Variants in LIMCH1 observed in about 807,000 individuals in gnomAD.
The protein encoded by LIMCH1 is LIM and calponin homology domains-containing protein 1.
LIMCH1 carries 113 observed loss-of-function variants against 176.5 expected under a neutral mutation model. The observed-to-expected ratio is 0.64, with a 90% confidence interval of 0.55 to 0.75. The LOEUF is 0.75. LIMCH1 is among the 30% of genes least tolerant of loss of function. The pLI, the probability that LIMCH1 is intolerant of heterozygous loss-of-function variation, is 0.00. For synonymous variants in LIMCH1, 619 were observed against 645.9 expected, an observed-to-expected ratio of 0.96 and a Z score of 0.63; for missense variants, 1,674 against 1,814.9, an observed-to-expected ratio of 0.92 and a Z score of 1.41.
chr4:41,554,346 T>A (rs1178957925), intron 1 of LIMCH1, among the ~76,000 whole-genome samples: 4 of 152,202 alleles, frequency 2.6e-5, no homozygotes, highest in Non-Finnish European at 4.4e-5. Context: ...GATGTGGGAC[T>A]GCTCCACATA....
At chr4:41,605,857 G>C (rs576712202) in intron 3 of LIMCH1, 37 bp from the exon 4 acceptor site, 9 of 1,345,036 alleles carry the variant, frequency 6.7e-6, no homozygotes, top group African/African-American at 1.4e-5. Context: ...CGTCATTCTT[G>C]AGGGAAAAAT....
intron 4 of LIMCH1, among the ~76,000 whole-genome samples, chr4:41,607,327 T>A (rs2090861898): frequency 6.6e-6 from 1 of 152,252 alleles, no homozygotes; most frequent in Non-Finnish European, 1.5e-5. Context: ...CTAAGGCCAG[T>A]CTGGCTCATG....
At chr4:41,445,265 A>G (rs1374230114) in intron 1 of LIMCH1, among the ~76,000 whole-genome samples, 2 of 152,112 alleles carry the variant, frequency 1.3e-5, no homozygotes, top group Non-Finnish European at 2.9e-5. Context: ...CAGCCTCCCA[A>G]AGTGCTGGGA....
intron 1 of LIMCH1, among the ~76,000 whole-genome samples, chr4:41,436,188 G>A (rs12374350): frequency 0.061 from 9,324 of 152,276 alleles, 375 homozygotes; most frequent in Middle Eastern, 0.095. Context: ...CTCTTTGGAG[G>A]TGATTGTGGT....
At chr4:41,644,189 A>G (rs868485443) in intron 14 of LIMCH1, among the ~76,000 whole-genome samples, 2 of 152,278 alleles carry the variant, frequency 1.3e-5, no homozygotes, top group Middle Eastern at 3.4e-3. Flanking sequence ...TTCAAATACC[A>G]TTTTTCTAGC....
intron 1 of LIMCH1, among the ~76,000 whole-genome samples, chr4:41,428,329 C>A (rs996367051): frequency 6.6e-6 from 1 of 152,174 alleles, no homozygotes; most frequent in African/African-American, 2.4e-5. Context: ...AGTACCTCCT[C>A]CGTGCTATCA....
At chr4:41,458,044 G>T (rs1474456661) in intron 1 of LIMCH1, among the ~76,000 whole-genome samples, 1 of 152,128 alleles carries the variant, frequency 6.6e-6, no homozygotes, top group Admixed American at 6.5e-5. Flanking sequence ...TGGATTGTTT[G>T]TAACACAAAG....
chr4:41,641,028 G>A (rs1444305030), intron 14 of LIMCH1, among the ~76,000 whole-genome samples: 1 of 152,108 alleles, frequency 6.6e-6, no homozygotes, highest in Non-Finnish European at 1.5e-5. Context: ...ATTTTATTCT[G>A]AATTCCTTTA....
chr4:41,627,309 C>T (rs558222787), intron 8 of LIMCH1, among the ~76,000 whole-genome samples: 2 of 151,192 alleles, frequency 1.3e-5, no homozygotes, highest in East Asian at 3.9e-4. Context: ...GGGCTCATCA[C>T]CACATATGGG....
chr4:41,379,802 T>G (rs536723087), intron 1 of LIMCH1, among the ~76,000 whole-genome samples: 1 of 152,328 alleles, frequency 6.6e-6, no homozygotes, highest in African/African-American at 2.4e-5. Flanking sequence ...TATTTATTTT[T>G]ATTTTTATTT....
chr4:41,368,540 T>A (rs2053465128), intron 1 of LIMCH1, among the ~76,000 whole-genome samples: 1 of 152,156 alleles, frequency 6.6e-6, no homozygotes. Flanking sequence ...GAAAATAAGA[T>A]TTAAGCTAAG....
chr4:41,501,886 T>TTTTA (rs1491160799), intron 2 of LIMCH1, among the ~76,000 whole-genome samples: 7 of 97,936 alleles, frequency 7.1e-5, no homozygotes, highest in Non-Finnish European at 1.2e-4. Context: ...TTTTTTTTTT[T>TTTTA]AAAAAAAACC....
chr4:41,473,777 A>G (rs1009543359), intron 1 of LIMCH1, among the ~76,000 whole-genome samples: 1 of 152,212 alleles, frequency 6.6e-6, no homozygotes, highest in African/African-American at 2.4e-5. Flanking sequence ...CAGCCTACAG[A>G]TTGGGAGAAA....
chr4:41,510,885 G>A (rs759049664), intron 2 of LIMCH1, among the ~76,000 whole-genome samples: 1 of 152,116 alleles, frequency 6.6e-6, no homozygotes, highest in South Asian at 2.1e-4. Context: ...CACCGCACCC[G>A]ACCAAATGAT....
At chr4:41,595,726 C>T (rs2088628861) in intron 1 of LIMCH1, among the ~76,000 whole-genome samples, 1 of 152,136 alleles carries the variant, frequency 6.6e-6, no homozygotes, top group South Asian at 2.1e-4. Context: ...AACCTATTTT[C>T]TTAAGAATAA....
rs116548610 is a variant in LIMCH1 at position 41,681,186 on chromosome 4, A to C, written c.3717+127A>C. 155 of 553,942 alleles carry C rather than the reference A, an allele frequency of 2.8e-4. No individual in the cohort carries two copies. In the African/African-American group the frequency reaches 2.8e-3, roughly 10 times the overall value. The allele number at this position is 553,942 out of a possible 1,614,324, so 34.3% of individuals were successfully genotyped here. A position where few individuals can be genotyped will look rare whatever the true frequency, so the allele number is the denominator to read the frequency against. On this transcript the variant is annotated intron_variant, in intron 25 of 31. Transcript: ENST00000503057. ...CAAGACTAGCTATTCCCCTAGAATC[A>C]CGTCAGCTACTGTGTGGCCATTGTA...
intron 28 of LIMCH1, among the ~76,000 whole-genome samples, chr4:41,686,909 C>G (rs1003961958): frequency 1.2e-4 from 18 of 152,154 alleles, no homozygotes; most frequent in Admixed American, 7.9e-4. Flanking sequence ...CTAAAATTGG[C>G]TAGAAGTAAT....
rs1234600990 is a variant in LIMCH1 at position 41,692,384 on chromosome 4, A to G, written c.4378A>G (p.Ser1460Gly). Residue 1460 changes from serine (S) to glycine (G), a missense_variant and splice_region_variant, in exon 31 of 32, where the codon AGT becomes GGT. Ser to Gly is a moderately conservative substitution (Grantham distance 56, BLOSUM62 0). Around this residue, in one of 3 missense-constraint regions of LIMCH1, gnomAD observed 1,015 missense variants for 1,102.5 expected, o/e 0.92. Transcript: ENST00000503057. Reference sequence around the variant, plus strand: ...TAATGATTGCTACATGCGATCCAGAAGTAAGTACTGGGGAGAATGCCTCAT... The same window carrying G: ...TAATGATTGCTACATGCGATCCAGAGGTAAGTACTGGGGAGAATGCCTCAT... ...NCNDCYMRSRSAGQPTTL is the reference protein window; with the variant it reads ...NCNDCYMRSRGAGQPTTL 2 of 1,588,494 alleles carry G rather than the reference A, an allele frequency of 1.3e-6. No homozygotes were observed. The highest frequency in any genetic ancestry group is 1.7e-6 in the Non-Finnish European group (2 of 1,156,718).
intron 1 of LIMCH1, among the ~76,000 whole-genome samples, chr4:41,566,573 C>T (rs1031909563): frequency 2.0e-5 from 3 of 152,062 alleles, no homozygotes; most frequent in Admixed American, 6.6e-5. Context: ...TGGAAGTATA[C>T]TTAGAACCAA....
Sources: gnomAD v4.1 joint callset for allele counts (sites outside exome capture counted in the v4.1 genomes callset) on GRCh38, gnomAD v4.1.1 for gene constraint, gnomAD v4.1.1 regional missense constraint, MANE v1.5 for transcripts, NCBI Gene and HGNC (gene_info 2026-07-23, HGNC 2026-07-21) for gene names.